Variants in NINL observed in about 807,000 individuals in gnomAD.
NINL encodes the protein ninein-like protein.
NINL carries 153 observed loss-of-function variants against 160.3 expected under a neutral mutation model. The ratio of observed to expected loss-of-function variants is 0.95; its 90% CI spans 0.84 to 1.09. NINL has a LOEUF of 1.09. Among genes scored for constraint, NINL ranks in the 50% least tolerant of loss-of-function variants. The probability of loss-of-function intolerance (pLI) is 0.00; values close to 1 mark genes in which losing one functional copy is unlikely to be tolerated. For missense variants in NINL, 1,829 were observed against 1,764.0 expected (o/e 1.04, Z -0.66); for synonymous variants, 800 against 734.8 (o/e 1.09, Z -1.43).
chr20:25,537,596 G>A (rs540506592), intron 1 of NINL, among the ~76,000 whole-genome samples: 14 of 152,146 alleles, frequency 9.2e-5, no homozygotes, highest in Non-Finnish European at 1.9e-4. Flanking sequence ...TGAATTTCAC[G>A]GATGCAGCGC....
intron 3 of NINL, among the ~76,000 whole-genome samples, chr20:25,515,043 T>C (rs1358523701): frequency 1.3e-5 from 2 of 152,186 alleles, no homozygotes; most frequent in Middle Eastern, 3.2e-3. Context: ...GGGCACTGCC[T>C]AGTGGAGCTG....
Position 25,512,952 on chromosome 20 carries a change from C to G in NINL, c.332G>C (p.Arg111Pro). The change falls in exon 4 of 24, where the codon CGT becomes CCT. Residue 111 changes from arginine to proline, a missense_variant. Arg to Pro is a moderately radical substitution (Grantham distance 103). Coordinates refer to ENST00000278886, the MANE Select transcript of NINL (RefSeq NM_025176.6). Reference protein sequence around the residue: ...KYVNGSKWYGRRSRPELCDAA... With the variant: ...KYVNGSKWYGPRSRPELCDAA... ...GTCACATAGCTCAGGCCGGCTCCGACGGCCATACCACTTAGAACCATTCAC... is the reference window on the plus strand; with the variant it reads ...GTCACATAGCTCAGGCCGGCTCCGAGGGCCATACCACTTAGAACCATTCAC... 1 of 1,614,032 alleles carries G rather than the reference C, an allele frequency of 6.2e-7. No homozygotes were observed. The highest frequency in any genetic ancestry group is 8.5e-7 in the Non-Finnish European group (1 of 1,179,910).
intron 11 of NINL, among the ~76,000 whole-genome samples, chr20:25,491,136 A>AG (rs138159698): frequency 1.1e-4 from 17 of 152,178 alleles, no homozygotes; most frequent in Non-Finnish European, 2.4e-4. Context: ...GTGGGGAAGG[A>AG]GGGGCAATGT....
chr20:25,499,945 C>CAAA (rs11476280), intron 8 of NINL, among the ~76,000 whole-genome samples: 5,890 of 61,470 alleles, frequency 0.096, 610 homozygotes, highest in African/African-American at 0.21. Flanking sequence ...ACCAATTTCG[C>CAAA]AAAAAAAAAA....
chr20:25,523,376 C>A (rs547205280), intron 2 of NINL, among the ~76,000 whole-genome samples: 5 of 151,874 alleles, frequency 3.3e-5, no homozygotes, highest in Non-Finnish European at 7.4e-5. Context: ...CTCAGCCTCA[C>A]AAGTAGCTGG....
At chr20:25,543,475 T>G (rs1353372867) in intron 1 of NINL, among the ~76,000 whole-genome samples, 1 of 152,162 alleles carries the variant, frequency 6.6e-6, no homozygotes, top group African/African-American at 2.4e-5. Context: ...GGCAGGAGAA[T>G]AGGCTCTGGA....
In NINL at chr20:25,455,733, C is replaced by G. The variant is rs771921963; in HGVS notation, c.3897G>C (p.Glu1299Asp). ...KATEERVEEA[E>D]MILKNMEMLL... ...GCATTTCCATATTCTTCAGAATCAT[C>G]TCCGCCTCTTCCACCCGCTCTTCTG... is the stretch of plus-strand genomic sequence containing the variant. The change falls in exon 23 of 24, where the codon GAG (glutamate) becomes GAC (aspartate). Residue 1299 changes from glutamate to aspartate, a missense_variant. By Grantham distance (45) the Glu-to-Asp change is conservative. Coordinates refer to ENST00000278886, the MANE Select transcript of NINL (RefSeq NM_025176.6). The G allele has an allele frequency of 6.2e-7, 1 of 1,614,228 alleles. No homozygotes were observed. The highest frequency in any genetic ancestry group is 8.5e-7 in the Non-Finnish European group (1 of 1,180,034).
intron 18 of NINL, among the ~76,000 whole-genome samples, chr20:25,467,828 T>C (rs1275574644): frequency 6.6e-6 from 1 of 151,706 alleles, no homozygotes; most frequent in Non-Finnish European, 1.5e-5. Context: ...CTCAGCAGAG[T>C]GAATAGAGAC....
intron 1 of NINL, among the ~76,000 whole-genome samples, chr20:25,535,921 A>G (rs2064547998): frequency 6.6e-6 from 1 of 152,234 alleles, no homozygotes. Context: ...CCAAGCACAC[A>G]GATGGAAAAG....
intron 3 of NINL, among the ~76,000 whole-genome samples, chr20:25,516,195 C>G (rs2064156774): frequency 6.6e-6 from 1 of 152,098 alleles, no homozygotes; most frequent in Non-Finnish European, 1.5e-5. Flanking sequence ...TGAGGCCTCC[C>G]CAGCCATGGT....
In NINL at chr20:25,517,944, T is replaced by C. The variant is rs531989524; in HGVS notation, c.181-95A>G. The C allele has an allele frequency of 1.1e-4, 69 of 653,582 alleles. No individual in the cohort carries two copies. The African/African-American group carries it at 1.2e-3, about 11-fold the overall frequency. 40.5% of individuals were successfully genotyped at this position (653,582 alleles called of 1,614,324 possible). On this transcript the variant is annotated intron_variant, in intron 2 of 23. Transcript: ENST00000278886. ...TTGGATTTTCTCTCAGATAGAAATA[T>C]ATTATTACTGCCTTTTAGAATGAGA...
intron 17 of NINL, among the ~76,000 whole-genome samples, chr20:25,470,324 C>T (rs946112025): frequency 6.6e-6 from 1 of 152,224 alleles, no homozygotes; most frequent in Non-Finnish European, 1.5e-5. Context: ...TACACTGCCA[C>T]GCCATCAAGT....
chr20:25,477,954 C>CTT (rs529205813), intron 16 of NINL, among the ~76,000 whole-genome samples: 5 of 138,856 alleles, frequency 3.6e-5, no homozygotes, highest in Non-Finnish European at 1.6e-5. Flanking sequence ...ACGAGTCTCA[C>CTT]TTTTTTTTTT....
At chr20:25,467,542 G>T in intron 18 of NINL, 84 bp from the exon 19 acceptor site, 1 of 1,043,818 alleles carries the variant, frequency 9.6e-7, no homozygotes, top group Non-Finnish European at 1.5e-6. Context: ...GGTAAGAGCA[G>T]CATGGGGGTT....
chr20:25,578,194 G>A (rs1356930893), intron 1 of NINL, among the ~76,000 whole-genome samples: 2 of 149,894 alleles, frequency 1.3e-5, no homozygotes, highest in Non-Finnish European at 3.0e-5. Flanking sequence ...TGCAACCTCC[G>A]CCTCCCAGGA....
chr20:25,457,800 A>G (rs554757855), intron 22 of NINL, among the ~76,000 whole-genome samples: 98 of 152,324 alleles, frequency 6.4e-4, no homozygotes, highest in Non-Finnish European at 7.2e-4. Flanking sequence ...TGTGCTGGGG[A>G]CCCTTCAAGT....
chr20:25,555,279 G>A (rs116334113), intron 1 of NINL, among the ~76,000 whole-genome samples: 162 of 152,234 alleles, frequency 1.1e-3, no homozygotes, highest in African/African-American at 3.8e-3. Flanking sequence ...CGTACAGACA[G>A]GCCCCACAAC....
chr20:25,465,517 C>A (rs994577152), intron 19 of NINL, among the ~76,000 whole-genome samples: 2 of 152,140 alleles, frequency 1.3e-5, no homozygotes, highest in South Asian at 4.1e-4. Flanking sequence ...ACACCCCCCA[C>A]GACACTCCTT....
intron 17 of NINL, among the ~76,000 whole-genome samples, chr20:25,472,859 C>A (rs2146467124): frequency 6.6e-6 from 1 of 152,292 alleles, no homozygotes; most frequent in Middle Eastern, 3.4e-3. Flanking sequence ...CCTATACCCA[C>A]AACATAACAA....
Sources: gnomAD v4.1 joint callset for allele counts (sites outside exome capture counted in the v4.1 genomes callset) on GRCh38, gnomAD v4.1.1 for gene constraint, MANE v1.5 for transcripts, NCBI Gene and HGNC (gene_info 2026-07-23, HGNC 2026-07-21) for gene names.